Variants in PKD1L3 observed in about 807,000 individuals in gnomAD.
The protein encoded by PKD1L3 is polycystin-1-like protein 3.
PKD1L3 carries 239 observed loss-of-function variants against 184.1 expected under a neutral mutation model. The observed-to-expected ratio is 1.30, with a 90% CI of 1.17 to 1.45. The LOEUF (loss-of-function observed/expected upper bound fraction) is 1.45, where lower values mean the gene tolerates loss of function less well. Among genes scored for constraint, PKD1L3 ranks in the 40% most tolerant of loss-of-function variants. The pLI, the probability that PKD1L3 is intolerant of heterozygous loss-of-function variation, is 0.00. For missense variants in PKD1L3, 2,660 were observed against 2,067.2 expected (o/e 1.29, Z -5.56); for synonymous variants, 996 against 778.8 (o/e 1.28, Z -4.64).
intron 28 of PKD1L3, chr16:71,931,090 CTA>C (rs1567482965): frequency 6.6e-6 from 1 of 152,032 alleles, no homozygotes; most frequent in East Asian, 1.9e-4. Flanking sequence ...TTTGTTTGCT[CTA>C]TTTGTTTTTT....
intron 18 of PKD1L3, 115 bp from the exon 19 acceptor site, chr16:71,951,859 A>G: frequency 1.1e-6 from 1 of 912,578 alleles, no homozygotes; most frequent in Non-Finnish European, 1.6e-6. Context: ...GCTTAGCACA[A>G]AGAACCTCAA....
At chr16:71,997,770 A>AATAG (rs2040843194) in intron 2 of PKD1L3, among the ~76,000 whole-genome samples, 1 of 151,694 alleles carries the variant, frequency 6.6e-6, no homozygotes, top group South Asian at 2.1e-4. Flanking sequence ...TAAATAAATA[A>AATAG]ATAAATAAAT....
In PKD1L3 at chr16:71,953,029, G is replaced by T. The variant is rs753160872; in HGVS notation, c.2874C>A (p.Phe958Leu). ...GCCGCCCTATGACAAGATTGATTGG[G>T]AAGAGGATGACAGCAGTATGGATGC... is the stretch of plus-strand genomic sequence containing the variant. ...LVSIHTAVIL[F>L]PINLVIGRLF... is the part of the protein sequence containing the mutation. The change falls in exon 18 of 30, where the codon TTC (phenylalanine) becomes TTA (leucine). Residue 958 changes from phenylalanine to leucine, a missense_variant. Phe to Leu is a conservative substitution (Grantham distance 22). Coordinates refer to ENST00000620267, the MANE Select transcript of PKD1L3 (RefSeq NM_181536.2). 9 of 1,548,948 alleles carry T rather than the reference G, an allele frequency of 5.8e-6. No individual in the cohort carries two copies. The South Asian group carries it at 9.6e-5, about 17-fold the overall frequency.
intron 13 of PKD1L3, 103 bp downstream of exon 13, chr16:71,969,772 A>T: frequency 2.0e-6 from 2 of 1,012,288 alleles, no homozygotes; most frequent in African/African-American, 1.6e-5. Flanking sequence ...TATGCCTCCC[A>T]GTACCAGGCT....
intron 5 of PKD1L3, 39 bp downstream of exon 5, chr16:71,986,182 G>T (rs2040354488): frequency 1.3e-6 from 2 of 1,546,338 alleles, no homozygotes; most frequent in Non-Finnish European, 1.7e-6. Flanking sequence ...CTTTTTGGGG[G>T]TCACAAAGCT....
At chr16:71,951,442 A>G (rs2038830478) in intron 19 of PKD1L3, 122 bp downstream of exon 19, 1 of 1,019,540 alleles carries the variant, frequency 9.8e-7, no homozygotes. Context: ...AAGCTTAAGG[A>G]AATTAAAACA....
intron 11 of PKD1L3, 105 bp downstream of exon 11, chr16:71,977,129 CCT>C (rs1424314703): frequency 2.4e-6 from 2 of 844,692 alleles, no homozygotes; most frequent in Non-Finnish European, 3.8e-6. Context: ...AGGAGGATCC[CCT>C]GAGCCTGACA....
At chr16:71,963,476 A>C in intron 15 of PKD1L3, 125 bp from the exon 16 acceptor site, 1 of 1,082,888 alleles carries the variant, frequency 9.2e-7, no homozygotes, top group Non-Finnish European at 1.3e-6. Flanking sequence ...CAAGGCAAGA[A>C]CTAAGGAAAG....
rs879871607 is a variant in PKD1L3 at position 71,930,653 on chromosome 16, A to AT, written c.4927-471dup. The AT allele has an allele frequency of 1.4e-3, 203 of 148,030 alleles. 1 individual carries two copies. Among genetic ancestry groups the AT allele is most frequent in the African/African-American group, 3.2e-3 (129 of 40,518 alleles). The allele number at this position is 148,030 out of a possible 1,614,324, so 9.2% of individuals were successfully genotyped here. On this transcript the variant is annotated intron_variant, in intron 28 of 29. Coordinates refer to ENST00000620267, the MANE Select transcript of PKD1L3 (RefSeq NM_181536.2). ...GGCCACAGAAAACTGGCTTTTTAGT[A>AT]TTTTTTTTTTTCCATTGTCATTTTT...
Position 71,980,030 on chromosome 16 carries a change from G to T in PKD1L3, c.1248C>A (p.Ala416=). 6.4e-7 allele frequency: 1 copy of T among 1,552,076 alleles called. No homozygotes were observed. The highest frequency in any genetic ancestry group is 8.7e-7 in the Non-Finnish European group (1 of 1,147,088). ...SPESSVTLTS[A]NATLLLSRQN... ...ACCTGCTCAGCAGCAGAGTAGCATTGGCAGAGGTCAAAGTCACTGAAGACT... is the reference window on the plus strand; with the variant it reads ...ACCTGCTCAGCAGCAGAGTAGCATTTGCAGAGGTCAAAGTCACTGAAGACT... The change falls in exon 8 of 30, where the codon GCC becomes GCA. Residue 416 remains alanine, a synonymous_variant. Coordinates refer to ENST00000620267, the MANE Select transcript of PKD1L3 (RefSeq NM_181536.2).
At position 71,934,223 on chromosome 16, in the gene PKD1L3, C is replaced by T; in HGVS notation, c.4614-98G>A. 13 of 1,120,678 alleles carry T rather than the reference C, an allele frequency of 1.2e-5. No homozygotes were observed. In the South Asian group the frequency reaches 1.9e-4, roughly 16 times the overall value. The allele number at this position is 1,120,678 out of a possible 1,614,324, so 69.4% of individuals were successfully genotyped here. A position where few individuals can be genotyped will look rare whatever the true frequency, so the allele number is the denominator to read the frequency against. Reference sequence around the variant, plus strand: ...CTGCTGATCGTGGCAGCCCTGAGTCCTGTGAGGTCAAATGCTTGTTGATGT... The same window carrying T: ...CTGCTGATCGTGGCAGCCCTGAGTCTTGTGAGGTCAAATGCTTGTTGATGT... On this transcript the variant is annotated intron_variant, in intron 26 of 29. Coordinates refer to ENST00000620267, the MANE Select transcript of PKD1L3 (RefSeq NM_181536.2).
chr16:71,961,279 C>G lies in PKD1L3; in HGVS notation c.2612+1926G>C, dbSNP rs540977582. On this transcript the variant is annotated intron_variant, in intron 16 of 29. Transcript: ENST00000620267. ...CTGGGACTACAGGCGTGCACCACTG[C>G]GCATGGCTAACTTTTGTATTTTTGG... Among the ~76,000 whole-genome samples, 6 of 152,176 alleles carry G rather than the reference C, an allele frequency of 3.9e-5. No individual in the cohort carries two copies. In the South Asian group the frequency reaches 1.0e-3, roughly 26 times the overall value.
chr16:71,946,106 G>A (rs1234151153), intron 22 of PKD1L3, among the ~76,000 whole-genome samples: 4 of 152,132 alleles, frequency 2.6e-5, no homozygotes, highest in African/African-American at 9.7e-5. Context: ...TTACAGGCAT[G>A]CACCACCACA....
intron 22 of PKD1L3, among the ~76,000 whole-genome samples, chr16:71,944,695 T>TG (rs2038494086): frequency 1.4e-5 from 1 of 69,364 alleles, no homozygotes; most frequent in Non-Finnish European, 3.3e-5. Flanking sequence ...ACCATATCTG[T>TG]TTTTTGTTTG....
rs1428778567 is a variant in PKD1L3, at chr16:71,930,064, TCTTTC to T, written c.5041_5045del (p.Glu1681LysfsTer4). 41 of 1,548,774 alleles carry T rather than the reference TCTTTC, an allele frequency of 2.6e-5. No individual in the cohort carries two copies. The highest frequency in any genetic ancestry group is 3.5e-5 in the Non-Finnish European group (40 of 1,146,054). Reference sequence around the variant, plus strand: ...TTTAGTTACCTACCTTAAGCGACTTTCTTTCTTTTCCAAAGGCCATGAGAATGGCC... The same window carrying T: ...TTTAGTTACCTACCTTAAGCGACTTTTTTTCCAAAGGCCATGAGAATGGCC... On this transcript the variant is annotated frameshift_variant, in exon 29 of 30. Coordinates refer to ENST00000620267, the MANE Select transcript of PKD1L3 (RefSeq NM_181536.2). LOFTEE classifies it low-confidence loss of function (END_TRUNC).
Position 71,951,553 on chromosome 16 carries a change from C to G in PKD1L3, c.3190+11G>C. On this transcript the variant is annotated intron_variant, in intron 19 of 29. Transcript: ENST00000620267. ...ATGGAAGATTCGTTACTGAAATCTA[C>G]TGAAGTTTACCACGTGCCCAGTGGC... The G allele has an allele frequency of 1.3e-6, 2 of 1,544,142 alleles. No individual in the cohort carries two copies. Among genetic ancestry groups the G allele is most frequent in the South Asian group, 1.2e-5 (1 of 83,192 alleles).
chr16:71,969,027 C>A (rs971546376), intron 13 of PKD1L3, among the ~76,000 whole-genome samples: 2 of 151,892 alleles, frequency 1.3e-5, no homozygotes, highest in South Asian at 4.1e-4. Context: ...GTCTCCCGGG[C>A]TCAAGCAATT....
In PKD1L3 at chr16:71,978,260, T is replaced by C. The variant is rs1244016269; in HGVS notation, c.1522A>G (p.Ile508Val). The change falls in exon 10 of 30, where the codon ATT becomes GTT. Residue 508 changes from isoleucine to valine, a missense_variant. Physicochemically the swap from Ile to Val is conservative, Grantham distance 29. Transcript: ENST00000620267. The stretch of plus-strand genomic sequence containing the variant: ...CCCTAAGAATCAGTTCCTACCTCAA[T>C]GTCCTCCATTAAATCATGGACTTGG... ...LLQVHDLMEDIEIMLWRNVSL... is the reference protein window; with the variant it reads ...LLQVHDLMEDVEIMLWRNVSL... 6.5e-7 allele frequency: 1 copy of C among 1,549,350 alleles called. No homozygotes were observed. Among genetic ancestry groups the C allele is most frequent in the Non-Finnish European group, 8.7e-7 (1 of 1,145,400 alleles).
At chr16:71,931,861 T>A (rs1190960551) in intron 28 of PKD1L3, among the ~76,000 whole-genome samples, 1 of 152,198 alleles carries the variant, frequency 6.6e-6, no homozygotes, top group Non-Finnish European at 1.5e-5. Flanking sequence ...TAGTACTTTA[T>A]AGTGGAACTG....
Sources: allele counts gnomAD v4.1 joint callset (sites outside exome capture counted in the v4.1 genomes callset), GRCh38; gene constraint gnomAD v4.1.1; transcripts MANE v1.5; gene names NCBI Gene and HGNC (gene_info 2026-07-23, HGNC 2026-07-21).